Variants in PRAP1 observed in about 807,000 individuals in gnomAD.
PRAP1 encodes proline-rich acidic protein 1.
PRAP1 carries 12 observed loss-of-function variants against 14.6 expected under a neutral mutation model. The observed-to-expected ratio is 0.82, with a 90% CI of 0.53 to 1.33. The LOEUF (loss-of-function observed/expected upper bound fraction) is 1.33, where lower values mean the gene tolerates loss of function less well. PRAP1 is among the 40% of genes most tolerant of loss of function. PRAP1 has a pLI of 0.00. For synonymous variants in PRAP1, 81 were observed against 80.3 expected (o/e 1.01, Z -0.04); for missense variants, 160 against 193.7 (o/e 0.83, Z 1.03).
At position 133,352,053 on chromosome 10, in the gene PRAP1, C is replaced by G; in HGVS notation, c.175C>G (p.Leu59Val). 1 of 1,612,978 alleles carries G rather than the reference C, an allele frequency of 6.2e-7. No individual in the cohort carries two copies. The highest frequency in any genetic ancestry group is 1.3e-5 in the African/African-American group (1 of 75,016). Residue 59 changes from leucine to valine, a missense_variant, in exon 4 of 5, where the codon CTG becomes GTG. Physicochemically the swap from Leu to Val is conservative, Grantham distance 32. Transcript: ENST00000433452. ...VVEPPEKDDQ[L>V]VVLFPVQKPK... ...GGAGCCTCCGGAGAAGGACGACCAG[C>G]TGGTGGTGCTGTTCCCTGTCCAGAA...
At chr10:133,350,357 CA>C (rs566519579) in intron 2 of PRAP1, among the ~76,000 whole-genome samples, 196 bp downstream of exon 2, 20 of 152,204 alleles carry the variant, frequency 1.3e-4, no homozygotes, top group Admixed American at 2.0e-4. Flanking sequence ...TCCCTGGGGT[CA>C]GATGGACAGG....
intron 1 of PRAP1, among the ~76,000 whole-genome samples, chr10:133,349,815 C>T (rs1221022036): frequency 6.6e-6 from 1 of 152,216 alleles, no homozygotes; most frequent in Non-Finnish European, 1.5e-5. Flanking sequence ...AGCCAACCAC[C>T]AGTGCCTGCC....
At chr10:133,348,491 C>T (rs1230583737) in intron 1 of PRAP1, among the ~76,000 whole-genome samples, 2 of 151,550 alleles carry the variant, frequency 1.3e-5, no homozygotes, top group African/African-American at 2.4e-5. Flanking sequence ...AGGTGTGTGC[C>T]ACCACCCCCA....
At position 133,351,204 on chromosome 10, in the gene PRAP1, A is replaced by T. The variant is rs1589867417; in HGVS notation, c.76-177A>T. On this transcript the variant is annotated intron_variant, in intron 2 of 4. Coordinates refer to ENST00000433452, the MANE Select transcript of PRAP1 (RefSeq NM_145202.5). The surrounding 1 kb of genome is among the most constrained non-coding windows in gnomAD (Gnocchi z 4.3). The stretch of plus-strand genomic sequence containing the variant: ...CTCAATCCCGGCTTGCAATCCCAAC[A>T]CCCGAGAGTGGCTTGCCCACTAGAG... Among the ~76,000 whole-genome samples, 1 of 151,954 alleles carries T rather than the reference A, an allele frequency of 6.6e-6. No individual in the cohort carries two copies. The highest frequency in any genetic ancestry group is 2.4e-5 in the African/African-American group (1 of 41,362).
chr10:133,350,267 G>A (rs1848656645), intron 2 of PRAP1, 106 bp downstream of exon 2: 2 of 995,646 alleles, frequency 2.0e-6, no homozygotes, highest in East Asian at 5.2e-5. Flanking sequence ...CAAACCCCAA[G>A]CTGGCTTAGG....
rs1362869039 is a variant in PRAP1, at chr10:133,351,580, C to T, written c.128+147C>T. The T allele has an allele frequency of 1.5e-6, 1 of 668,416 alleles. No individual in the cohort carries two copies. The highest frequency in any genetic ancestry group is 1.9e-5 in the South Asian group (1 of 53,444). The allele number at this position is 668,416 out of a possible 1,614,324, so 41.4% of individuals were successfully genotyped here. A position where few individuals can be genotyped will look rare whatever the true frequency, so the allele number is the denominator to read the frequency against. On this transcript the variant is annotated intron_variant, in intron 3 of 4. Coordinates refer to ENST00000433452, the MANE Select transcript of PRAP1 (RefSeq NM_145202.5). This position sits in a 1 kb window ranked among gnomAD's most constrained non-coding sequence, Gnocchi z 4.3. ...TTTTGGAAGGAGGGGGCACTCCAGC[C>T]TCATGGGCATCTGTCAACAGCGCCC...
At chr10:133,350,278 G>A in intron 2 of PRAP1, 117 bp downstream of exon 2, 1 of 870,524 alleles carries the variant, frequency 1.1e-6, no homozygotes, top group Non-Finnish European at 1.8e-6. Flanking sequence ...CTGGCTTAGG[G>A]GAGAGAGGCA....
chr10:133,347,451 A>G lies in PRAP1; in HGVS notation c.8+26A>G, dbSNP rs1456173154. 2.5e-6 allele frequency: 4 copies of G among 1,601,754 alleles called. No homozygotes were observed. Among genetic ancestry groups the G allele is most frequent in the African/African-American group, 2.7e-5 (2 of 74,636 alleles). ...GTAATGCCACCATCCCTGAGCCCCAATCCCCACCCCACCCAAACCTGGAGG... is the reference window on the plus strand; with the variant it reads ...GTAATGCCACCATCCCTGAGCCCCAGTCCCCACCCCACCCAAACCTGGAGG... On this transcript the variant is annotated intron_variant, in intron 1 of 4. Transcript: ENST00000433452. The surrounding 1 kb of genome is among the most constrained non-coding windows in gnomAD (Gnocchi z 5.0).
At position 133,351,938 on chromosome 10, in the gene PRAP1, C is replaced by T; in HGVS notation, c.129-69C>T. ...GGAGTGGCTGCCCTGGGATGGTGGGCACCCTCCTGCGGGGGGTTCTGTCCA... is the reference window on the plus strand; with the variant it reads ...GGAGTGGCTGCCCTGGGATGGTGGGTACCCTCCTGCGGGGGGTTCTGTCCA... On this transcript the variant is annotated intron_variant, in intron 3 of 4. Transcript: ENST00000433452. The surrounding 1 kb of genome is among the most constrained non-coding windows in gnomAD (Gnocchi z 4.3). 3 of 1,562,088 alleles carry T rather than the reference C, an allele frequency of 1.9e-6. No individual in the cohort carries two copies. The highest frequency in any genetic ancestry group is 2.6e-6 in the Non-Finnish European group (3 of 1,158,090).
rs1046198785 is a variant in PRAP1, at chr10:133,347,866, C to T, written c.8+441C>T. Among the ~76,000 whole-genome samples, 1 of 152,204 alleles carries T rather than the reference C, an allele frequency of 6.6e-6. No homozygotes were observed. Among genetic ancestry groups the T allele is most frequent in the Non-Finnish European group, 1.5e-5 (1 of 68,016 alleles). ...TCCCGCTGGACCCTGGAATCAGAGG[C>T]TGCCTTCCTTCTGTGGGGGTGTCTG... On this transcript the variant is annotated intron_variant, in intron 1 of 4. Coordinates refer to ENST00000433452, the MANE Select transcript of PRAP1 (RefSeq NM_145202.5). This position sits in a 1 kb window ranked among gnomAD's most constrained non-coding sequence, Gnocchi z 5.0.
rs1481462455 is a variant in PRAP1, at chr10:133,351,988, G to A, written c.129-19G>A. Reference sequence around the variant, plus strand: ...ACCTCCCCCACCTGCATGTGGACCTGACCAAACTGTGCCAGCAGGGCCTGG... The same window carrying A: ...ACCTCCCCCACCTGCATGTGGACCTAACCAAACTGTGCCAGCAGGGCCTGG... On this transcript the variant is annotated intron_variant, in intron 3 of 4. Transcript: ENST00000433452. The surrounding 1 kb of genome is among the most constrained non-coding windows in gnomAD (Gnocchi z 4.3). 1.2e-6 allele frequency: 2 copies of A among 1,610,818 alleles called. No individual in the cohort carries two copies. Among genetic ancestry groups the A allele is most frequent in the Non-Finnish European group, 8.5e-7 (1 of 1,179,484 alleles).
In PRAP1 at chr10:133,349,619, C is replaced by A. The variant is rs552093539; in HGVS notation, c.9-476C>A. Among the ~76,000 whole-genome samples the A allele has an allele frequency of 7.9e-5, 12 of 152,382 alleles. 1 individual carries two copies. Among genetic ancestry groups the A allele is most frequent in the African/African-American group, 2.9e-4 (12 of 41,596 alleles). On this transcript the variant is annotated intron_variant, in intron 1 of 4. Transcript: ENST00000433452. ...CCCCTGAGCCCCCCAGCCGTGGCCC[C>A]GCAGCTCTGGGACACAGCAGGTGCC...
intron 1 of PRAP1, among the ~76,000 whole-genome samples, chr10:133,348,459 C>T (rs1247231447): frequency 2.0e-5 from 3 of 152,114 alleles, no homozygotes; most frequent in Non-Finnish European, 1.5e-5. Context: ...TCTTCTGCCT[C>T]AGCAGGAGTA....
intron 1 of PRAP1, among the ~76,000 whole-genome samples, chr10:133,349,338 G>A (rs903768449): frequency 8.8e-5 from 13 of 147,132 alleles, no homozygotes; most frequent in Admixed American, 2.0e-4. Context: ...CACAGCACAC[G>A]CACCCCCGAA....
At position 133,347,422 on chromosome 10, in the gene PRAP1, G is replaced by C; in HGVS notation, c.5G>C (p.Arg2Thr). 2 of 1,612,498 alleles carry C rather than the reference G, an allele frequency of 1.2e-6. No individual in the cohort carries two copies. The highest frequency in any genetic ancestry group is 1.7e-6 in the Non-Finnish European group (2 of 1,179,110). M[R>T]RLLLVTSLVV... ...ACAGAGACGCGGACCCCAGACATGA[G>C]GAGGTAATGCCACCATCCCTGAGCC... Residue 2 changes from arginine to threonine, a missense_variant, in exon 1 of 5, where the codon AGG (arginine) becomes ACG (threonine). Transcript: ENST00000433452. The surrounding 1 kb of genome is among the most constrained non-coding windows in gnomAD (Gnocchi z 5.0).
rs78010598 is a variant in PRAP1, at chr10:133,351,093, G to A, written c.76-288G>A. Among the ~76,000 whole-genome samples, 9 of 152,118 alleles carry A rather than the reference G, an allele frequency of 5.9e-5. No homozygotes were observed. The highest frequency in any genetic ancestry group is 4.1e-4 in the South Asian group (2 of 4,828). On this transcript the variant is annotated intron_variant, in intron 2 of 4. Transcript: ENST00000433452. The surrounding 1 kb of genome is among the most constrained non-coding windows in gnomAD (Gnocchi z 4.3). ...GTTGGGAGTGCTAGGTCAGGGATAC[G>A]GTGCCAGGTTACATCCCAGTCCTGT... is the stretch of plus-strand genomic sequence containing the variant.
At chr10:133,349,240 G>GCA (rs914611948) in intron 1 of PRAP1, among the ~76,000 whole-genome samples, 2 of 145,298 alleles carry the variant, frequency 1.4e-5, no homozygotes, top group East Asian at 2.0e-4. Context: ...TGCACACACA[G>GCA]CACACACACA....
chr10:133,349,985 TC>T, intron 1 of PRAP1, 109 bp from the exon 2 acceptor site: 1 of 905,264 alleles, frequency 1.1e-6, no homozygotes, highest in Non-Finnish European at 1.7e-6. Flanking sequence ...CTACCTGCGC[TC>T]CCAAGGAGGA....
intron 1 of PRAP1, among the ~76,000 whole-genome samples, chr10:133,348,510 T>C (rs957590240): frequency 6.8e-6 from 1 of 147,756 alleles, no homozygotes; most frequent in African/African-American, 2.7e-5. Context: ...CAGCTAAGTT[T>C]TGTTTTTTTT....
Sources: allele counts gnomAD v4.1 joint callset (sites outside exome capture counted in the v4.1 genomes callset), GRCh38; gene constraint gnomAD v4.1.1; non-coding constraint Gnocchi (gnomAD v3.1); transcripts MANE v1.5; gene names NCBI Gene and HGNC (gene_info 2026-07-23, HGNC 2026-07-21).